The following GPR176 variants were observed in gnomAD, a reference collection of about 807,000 sequenced individuals.
GPR176 encodes G-protein coupled receptor 176.
In GPR176, 26 loss-of-function variants were observed where a neutral mutation model predicts 35.4. The observed-to-expected ratio is 0.74, with a 90% confidence interval of 0.54 to 1.02. GPR176 has a LOEUF of 1.02. Among genes scored for constraint, GPR176 ranks in the 50% least tolerant of loss-of-function variants. The pLI is 0.00. For synonymous variants in GPR176, 278 were observed against 271.3 expected (o/e 1.02, Z -0.24); for missense variants, 597 against 665.3 (o/e 0.90, Z 1.13).
chr15:39,834,480 G>C (rs897997570), intron 1 of GPR176, among the ~76,000 whole-genome samples: 1 of 152,094 alleles, frequency 6.6e-6, no homozygotes, highest in Non-Finnish European at 1.5e-5. Flanking sequence ...TCTCCCTAGA[G>C]TCATTATACC....
chr15:39,848,185 C>T (rs1182123597), intron 1 of GPR176, among the ~76,000 whole-genome samples: 1 of 152,090 alleles, frequency 6.6e-6, no homozygotes, highest in Non-Finnish European at 1.5e-5. Context: ...CAGAGTCAAA[C>T]CATATCAATA....
At chr15:39,821,323 A>C (rs1900259362) in intron 1 of GPR176, among the ~76,000 whole-genome samples, 1 of 152,210 alleles carries the variant, frequency 6.6e-6, no homozygotes, top group Non-Finnish European at 1.5e-5. Context: ...TCGATTTTCT[A>C]CTTTCTCAGT....
At chr15:39,845,796 C>T (rs1238645677) in intron 1 of GPR176, among the ~76,000 whole-genome samples, 1 of 152,124 alleles carries the variant, frequency 6.6e-6, no homozygotes, top group Non-Finnish European at 1.5e-5. Context: ...ACAGAAACTA[C>T]GTAAGCTCTA....
At chr15:39,912,601 G>C (rs2033608968) in intron 1 of GPR176, among the ~76,000 whole-genome samples, 1 of 147,982 alleles carries the variant, frequency 6.8e-6, no homozygotes, top group South Asian at 2.1e-4. Flanking sequence ...CTGGGTGACA[G>C]AGTGAGACCC....
chr15:39,893,220 C>G (rs1216332630), intron 1 of GPR176, among the ~76,000 whole-genome samples: 1 of 152,096 alleles, frequency 6.6e-6, no homozygotes, highest in African/African-American at 2.4e-5. Flanking sequence ...GAACAAAGGT[C>G]TCTGGTTTTC....
intron 1 of GPR176, among the ~76,000 whole-genome samples, chr15:39,919,218 G>A (rs1025332212): frequency 6.6e-6 from 1 of 151,996 alleles, no homozygotes; most frequent in African/African-American, 2.4e-5. Flanking sequence ...GTGTGTGTGT[G>A]TTTTATCCTA....
At chr15:39,895,264 GGGAGAGGGA>G (rs2033072444) in intron 1 of GPR176, among the ~76,000 whole-genome samples, 1 of 120,994 alleles carries the variant, frequency 8.3e-6, no homozygotes, top group Non-Finnish European at 1.9e-5. Context: ...CATGGGGAGA[GGGAGAGGGA>G]GACCGTGGGG....
At chr15:39,898,275 G>C (rs1411411174) in intron 1 of GPR176, among the ~76,000 whole-genome samples, 2 of 151,628 alleles carry the variant, frequency 1.3e-5, no homozygotes, top group Non-Finnish European at 2.9e-5. Context: ...CGGTGACTTT[G>C]CCAAGTTACT....
rs1295669462 is a variant in GPR176, at chr15:39,800,220, A to AT, written c.*911dup. 3 of 152,252 alleles carry AT rather than the reference A, an allele frequency of 2.0e-5. No individual in the cohort carries two copies. The highest frequency in any genetic ancestry group is 7.2e-5 in the African/African-American group (3 of 41,548). 9.4% of individuals were successfully genotyped at this position (152,252 alleles called of 1,614,324 possible). A position where few individuals can be genotyped will look rare whatever the true frequency, so the allele number is the denominator to read the frequency against. The stretch of plus-strand genomic sequence containing the variant: ...TTGCATAAGATGATTTTTTCAATAT[A>AT]TTTGACTCATACTGGTTGTTACATA... On this transcript the variant is annotated 3_prime_UTR_variant, in exon 3 of 3. Coordinates refer to ENST00000561100, the MANE Select transcript of GPR176 (RefSeq NM_007223.3).
At chr15:39,907,330 G>A (rs143481837) in intron 1 of GPR176, among the ~76,000 whole-genome samples, 1 of 152,296 alleles carries the variant, frequency 6.6e-6, no homozygotes, top group Non-Finnish European at 1.5e-5. Context: ...ATCTAGCCCA[G>A]ACTCTTATCT....
Position 39,801,142 on chromosome 15 carries a change from A to T in GPR176, c.1538T>A (p.Val513Glu), listed in dbSNP as rs1431283487. The T allele has an allele frequency of 1.3e-6, 2 of 1,598,090 alleles. No individual in the cohort carries two copies. Among genetic ancestry groups the T allele is most frequent in the Non-Finnish European group, 1.7e-6 (2 of 1,170,216 alleles). ...AATTTACAATCCTTGCTAGGAATCC[A>T]CCTTTGGAAAAATGCTCACTTTATT... is the stretch of plus-strand genomic sequence containing the variant. ...RNNKVSIFPK[V>E]DS The change falls in exon 3 of 3, where the codon GTG (valine) becomes GAG (glutamate). Residue 513 changes from valine (V) to glutamate (E), a missense_variant. Physicochemically the swap from Val to Glu is moderately radical, Grantham distance 121. Around this residue, in one of 3 missense-constraint regions of GPR176, gnomAD observed 251 missense variants for 255.4 expected, o/e 0.98. Transcript: ENST00000561100.
chr15:39,847,939 T>G (rs945504482), intron 1 of GPR176, among the ~76,000 whole-genome samples: 1 of 152,036 alleles, frequency 6.6e-6, no homozygotes, highest in Non-Finnish European at 1.5e-5. Flanking sequence ...CTTACAATCA[T>G]GGCCGAAGGT....
At chr15:39,812,833 CCGCAGGCT>C (rs1899663288) in intron 1 of GPR176, among the ~76,000 whole-genome samples, 1 of 152,004 alleles carries the variant, frequency 6.6e-6, no homozygotes, top group Admixed American at 6.6e-5. Flanking sequence ...CCTCCGCTCC[CCGCAGGCT>C]CAAGTGCTCC....
chr15:39,895,407 A>T (rs1045568446), intron 1 of GPR176, among the ~76,000 whole-genome samples: 1 of 152,226 alleles, frequency 6.6e-6, no homozygotes, highest in African/African-American at 2.4e-5. Flanking sequence ...AAGATTTGAC[A>T]CTATATTAAA....
At chr15:39,817,068 CAAA>C (rs58812005) in intron 1 of GPR176, among the ~76,000 whole-genome samples, 2 of 77,282 alleles carry the variant, frequency 2.6e-5, no homozygotes, top group Admixed American at 1.7e-4. Flanking sequence ...GATTCTGTCT[CAAA>C]AAAAAAAAAA....
intron 1 of GPR176, among the ~76,000 whole-genome samples, chr15:39,873,695 C>G (rs896413283): frequency 1.3e-5 from 2 of 151,308 alleles, no homozygotes. Context: ...CCTAGTAGAC[C>G]AACCAAGTGG....
At chr15:39,866,886 G>A (rs757932637) in intron 1 of GPR176, among the ~76,000 whole-genome samples, 1 of 152,114 alleles carries the variant, frequency 6.6e-6, no homozygotes. Flanking sequence ...GCATACAAAG[G>A]GGGAGCAAGG....
At chr15:39,817,987 C>T (rs1248918721) in intron 1 of GPR176, among the ~76,000 whole-genome samples, 1 of 152,104 alleles carries the variant, frequency 6.6e-6, no homozygotes, top group Non-Finnish European at 1.5e-5. Flanking sequence ...TCCAAGTGAC[C>T]AGAGAGTCAG....
At chr15:39,837,590 GC>G (rs1032471313) in intron 1 of GPR176, among the ~76,000 whole-genome samples, 1 of 151,998 alleles carries the variant, frequency 6.6e-6, no homozygotes, top group Non-Finnish European at 1.5e-5. Context: ...AATTAACACA[GC>G]ACTTAGCACA....
Sources: allele counts gnomAD v4.1 joint callset (sites outside exome capture counted in the v4.1 genomes callset), GRCh38; gene constraint gnomAD v4.1.1; regional missense constraint gnomAD v4.1.1; transcripts MANE v1.5; gene names NCBI Gene and HGNC (gene_info 2026-07-23, HGNC 2026-07-21).